Variants in ADAM10 observed in about 807,000 individuals in gnomAD.
ADAM10 encodes the protein disintegrin and metalloproteinase domain-containing protein 10.
A neutral mutation model predicts 90.1 loss-of-function variants in ADAM10; 17 were observed. That is an observed-to-expected ratio of 0.19 (90% CI 0.13 to 0.28). The LOEUF is 0.28. ADAM10 is among the 10% of genes least tolerant of loss of function. ADAM10 has a pLI of 1.00. For missense variants in ADAM10, 610 were observed against 914.3 expected, an observed-to-expected ratio of 0.67 and a Z score of 4.29; for synonymous variants, 310 against 298.6, an observed-to-expected ratio of 1.04 and a Z score of -0.40.
chr15:58,598,652 C>T (rs1389457286), intron 15 of ADAM10, among the ~76,000 whole-genome samples: 2 of 152,200 alleles, frequency 1.3e-5, no homozygotes, highest in Non-Finnish European at 2.9e-5. Context: ...TTCTGGCTCT[C>T]CCCTGCTGCT....
At chr15:58,700,850 A>T (rs1567002118) in intron 2 of ADAM10, among the ~76,000 whole-genome samples, 2 of 151,776 alleles carry the variant, frequency 1.3e-5, no homozygotes, top group Non-Finnish European at 2.9e-5. Context: ...CCCCATCCCT[A>T]AAAAAATGTA....
chr15:58,732,637 A>G (rs1899289028), intron 1 of ADAM10: 1 of 151,008 alleles, frequency 6.6e-6, no homozygotes, highest in African/African-American at 2.4e-5. Flanking sequence ...GAACCCAGGA[A>G]GGCGGAGGTT....
intron 5 of ADAM10, among the ~76,000 whole-genome samples, chr15:58,663,204 G>A (rs1258802724): frequency 6.6e-6 from 1 of 152,046 alleles, no homozygotes; most frequent in Non-Finnish European, 1.5e-5. Context: ...AGACTTTTTT[G>A]TTGTAAATAT....
At chr15:58,642,853 T>C (rs1044822494) in intron 7 of ADAM10, among the ~76,000 whole-genome samples, 2 of 152,204 alleles carry the variant, frequency 1.3e-5, no homozygotes, top group African/African-American at 2.4e-5. Flanking sequence ...ACAATTCTTA[T>C]ACTGTAAATC....
rs553895306 is a variant in ADAM10 at position 58,710,219 on chromosome 15, C to T, written c.206+7358G>A. Among the ~76,000 whole-genome samples, 163 of 152,040 alleles carry T rather than the reference C, an allele frequency of 1.1e-3. 3 individuals carry two copies. The highest frequency in any genetic ancestry group is 3.4e-3 in the Middle Eastern group (1 of 294). On this transcript the variant is annotated intron_variant, in intron 2 of 15. Coordinates refer to ENST00000260408, the MANE Select transcript of ADAM10 (RefSeq NM_001110.4). ...ACTTAAACCCAGGAGGCAGAGGTTG[C>T]GTGAGCCAAGATCACACCACTACAC... is the stretch of plus-strand genomic sequence containing the variant.
intron 8 of ADAM10, among the ~76,000 whole-genome samples, chr15:58,638,540 G>A (rs866921009): frequency 1.3e-4 from 19 of 150,262 alleles, no homozygotes; most frequent in African/African-American, 2.2e-4. Flanking sequence ...GCGTGAACCC[G>A]GGAGGTGGAG....
chr15:58,642,771 C>T (rs1367920337), intron 7 of ADAM10, among the ~76,000 whole-genome samples: 1 of 152,124 alleles, frequency 6.6e-6, no homozygotes, highest in Non-Finnish European at 1.5e-5. Flanking sequence ...ACACTTATAC[C>T]TCTTATCACT....
At chr15:58,597,813 G>A (rs1244874242) in intron 15 of ADAM10, among the ~76,000 whole-genome samples, 172 bp from the exon 16 acceptor site, 3 of 151,748 alleles carry the variant, frequency 2.0e-5, no homozygotes, top group African/African-American at 7.3e-5. Context: ...GGTTTAAAAG[G>A]TGAAATAATT....
intron 8 of ADAM10, among the ~76,000 whole-genome samples, chr15:58,638,836 C>T (rs1397303095): frequency 6.6e-6 from 1 of 151,920 alleles, no homozygotes; most frequent in Non-Finnish European, 1.5e-5. Context: ...TAAAATATAC[C>T]TCATCAGTAC....
chr15:58,612,690 T>C (rs1181658555), intron 11 of ADAM10, among the ~76,000 whole-genome samples: 1 of 152,094 alleles, frequency 6.6e-6, no homozygotes, highest in African/African-American at 2.4e-5. Context: ...GGCTCCGAAA[T>C]TACTGCCATG....
intron 7 of ADAM10, 37 bp from the exon 8 acceptor site, chr15:58,640,997 G>A: frequency 6.4e-7 from 1 of 1,572,756 alleles, no homozygotes; most frequent in Non-Finnish European, 8.7e-7. Flanking sequence ...AGTAATTAAT[G>A]TTAGCAGAGC....
intron 9 of ADAM10, among the ~76,000 whole-genome samples, chr15:58,631,361 A>C (rs775798968): frequency 6.6e-6 from 1 of 152,210 alleles, no homozygotes; most frequent in Non-Finnish European, 1.5e-5. Flanking sequence ...TGGTAGGCAA[A>C]GAGTGTGAAC....
intron 3 of ADAM10, among the ~76,000 whole-genome samples, chr15:58,680,233 C>T (rs1291054654): frequency 6.6e-6 from 1 of 152,106 alleles, no homozygotes; most frequent in African/African-American, 2.4e-5. Flanking sequence ...GGCACTCCTC[C>T]CACCTCCGCC....
At chr15:58,670,910 T>C (rs1400230307) in intron 4 of ADAM10, among the ~76,000 whole-genome samples, 1 of 152,158 alleles carries the variant, frequency 6.6e-6, no homozygotes, top group Non-Finnish European at 1.5e-5. Context: ...AGATAAGAGA[T>C]ATTAGCACCA....
At chr15:58,701,022 C>CCA (rs1555419975) in intron 2 of ADAM10, among the ~76,000 whole-genome samples, 1 of 70,914 alleles carries the variant, frequency 1.4e-5, no homozygotes, top group South Asian at 3.8e-4. Flanking sequence ...AACAAAAAAA[C>CCA]AAAAAAAAAA....
intron 4 of ADAM10, among the ~76,000 whole-genome samples, chr15:58,666,633 A>T (rs1285108456): frequency 1.3e-5 from 2 of 152,052 alleles, no homozygotes; most frequent in Non-Finnish European, 2.9e-5. Context: ...TCAAAACCCT[A>T]AAACTCACTT....
At chr15:58,714,229 A>T (rs1056877783) in intron 2 of ADAM10, among the ~76,000 whole-genome samples, 1 of 151,980 alleles carries the variant, frequency 6.6e-6, no homozygotes, top group African/African-American at 2.4e-5. Context: ...CCATGCTGAA[A>T]GTGTGTTCAT....
intron 4 of ADAM10, among the ~76,000 whole-genome samples, chr15:58,665,876 T>C (rs763949888): frequency 3.3e-5 from 5 of 151,922 alleles, no homozygotes; most frequent in Non-Finnish European, 7.4e-5. Flanking sequence ...ACTGATGACA[T>C]CATTCATCAT....
chr15:58,605,655 C>T (rs772589963), intron 14 of ADAM10, among the ~76,000 whole-genome samples: 1 of 152,116 alleles, frequency 6.6e-6, no homozygotes, highest in Non-Finnish European at 1.5e-5. Context: ...TGAGCGTAAA[C>T]TGAGTGCCAG....
Sources: allele counts gnomAD v4.1 joint callset (sites outside exome capture counted in the v4.1 genomes callset), GRCh38; gene constraint gnomAD v4.1.1; transcripts MANE v1.5; gene names NCBI Gene and HGNC (gene_info 2026-07-23, HGNC 2026-07-21).